The following DMXL1 variants were observed in gnomAD, a reference collection of about 807,000 sequenced individuals.
DMXL1 encodes dmX-like protein 1.
DMXL1 carries 99 observed loss-of-function variants against 319.2 expected under a neutral mutation model. That is an observed-to-expected ratio of 0.31 (90% CI 0.26 to 0.37). DMXL1 has a LOEUF of 0.37. DMXL1 is among the 10% of genes least tolerant of loss of function. DMXL1 has a pLI of 1.00. For missense variants in DMXL1, 3,745 were observed against 3,595.6 expected, an observed-to-expected ratio of 1.04 and a Z score of -1.06; for synonymous variants, 1,385 against 1,235.2, an observed-to-expected ratio of 1.12 and a Z score of -2.54.
At chr5:119,217,916 T>A (rs1392890499) in intron 35 of DMXL1, among the ~76,000 whole-genome samples, 1 of 152,082 alleles carries the variant, frequency 6.6e-6, no homozygotes, top group Non-Finnish European at 1.5e-5. Flanking sequence ...AATTTCCTTC[T>A]TAGACACCGT....
Position 119,105,531 on chromosome 5 carries a change from C to G in DMXL1, c.364+273C>G, listed in dbSNP as rs573381926. ...GAATTAACGTTTCATTGAAAAGGAG[C>G]CTTTGGACCTGAGAGTAAACAGACT... On this transcript the variant is annotated intron_variant, in intron 4 of 43. Transcript: ENST00000539542. Among the ~76,000 whole-genome samples the G allele has an allele frequency of 9.6e-4, 146 of 152,130 alleles. 1 individual carries two copies. Among genetic ancestry groups the G allele is most frequent in the Admixed American group, 3.2e-3 (49 of 15,282 alleles).
chr5:119,163,731 A>G (rs1035561500), intron 19 of DMXL1, among the ~76,000 whole-genome samples: 1 of 152,142 alleles, frequency 6.6e-6, no homozygotes, highest in Admixed American at 6.5e-5. Context: ...TGGGACTACC[A>G]TGCCCGGCTA....
intron 28 of DMXL1, among the ~76,000 whole-genome samples, chr5:119,183,333 G>C (rs1293224895): frequency 1.3e-5 from 2 of 152,074 alleles, no homozygotes; most frequent in Non-Finnish European, 2.9e-5. Flanking sequence ...GAAAAGACTT[G>C]AGCATATTAA....
intron 13 of DMXL1, among the ~76,000 whole-genome samples, chr5:119,140,457 A>G (rs140273927): frequency 6.6e-6 from 1 of 152,332 alleles, no homozygotes; most frequent in African/African-American, 2.4e-5. Context: ...AATAAAAACA[A>G]TAATCAGAAA....
intron 7 of DMXL1, among the ~76,000 whole-genome samples, chr5:119,118,389 T>C (rs1022761165): frequency 2.6e-5 from 4 of 152,198 alleles, no homozygotes; most frequent in African/African-American, 9.7e-5. Flanking sequence ...TGTGGTTATT[T>C]CTTATGTGTC....
At chr5:119,168,771 C>T (rs1773950938) in intron 23 of DMXL1, among the ~76,000 whole-genome samples, 1 of 151,992 alleles carries the variant, frequency 6.6e-6, no homozygotes, top group African/African-American at 2.4e-5. Flanking sequence ...CCTGGCTCAT[C>T]TCAAACACCT....
At chr5:119,234,498 A>G (rs979522029) in intron 39 of DMXL1, among the ~76,000 whole-genome samples, 4 of 152,060 alleles carry the variant, frequency 2.6e-5, no homozygotes, top group Non-Finnish European at 5.9e-5. Context: ...TTTGTCTACC[A>G]TGTTTATCAC....
At position 119,170,629 on chromosome 5, in the gene DMXL1, C is replaced by T; in HGVS notation, c.5838C>T (p.Ser1946=). The T allele has an allele frequency of 6.2e-7, 1 of 1,613,610 alleles. No individual in the cohort carries two copies. Among genetic ancestry groups the T allele is most frequent in the East Asian group, 2.2e-5 (1 of 44,854 alleles). The change falls in exon 24 of 44, where the codon TCC becomes TCT. Residue 1946 remains serine, a synonymous_variant. Transcript: ENST00000539542. ...GTTCCTCAGAGAAGCAATCAAACTCCACTCTTTCTTTTGACTGGAGCCAAC... is the reference window on the plus strand; with the variant it reads ...GTTCCTCAGAGAAGCAATCAAACTCTACTCTTTCTTTTGACTGGAGCCAAC... The part of the protein sequence containing the change: ...SEGSSEKQSN[S]TLSFDWSQPS...
At chr5:119,229,187 A>G (rs1417402839) in intron 38 of DMXL1, among the ~76,000 whole-genome samples, 1 of 151,418 alleles carries the variant, frequency 6.6e-6, no homozygotes, top group Non-Finnish European at 1.5e-5. Flanking sequence ...AAAAAACAAA[A>G]TCTCGATTTT....
intron 1 of DMXL1, among the ~76,000 whole-genome samples, chr5:119,075,020 G>A (rs971214182): frequency 1.3e-5 from 2 of 152,032 alleles, no homozygotes; most frequent in African/African-American, 4.8e-5. Flanking sequence ...CCATGGTTTA[G>A]CACATGTAAA....
At chr5:119,171,705 C>T in intron 24 of DMXL1, 73 bp from the exon 25 acceptor site, 1 of 1,217,546 alleles carries the variant, frequency 8.2e-7, no homozygotes, top group Non-Finnish European at 1.1e-6. Flanking sequence ...TTTTAAAGAG[C>T]CCTTGATTTA....
intron 7 of DMXL1, among the ~76,000 whole-genome samples, chr5:119,117,833 G>A (rs1317502923): frequency 2.0e-5 from 3 of 152,144 alleles, no homozygotes; most frequent in Admixed American, 6.5e-5. Context: ...TTTTTAGTCA[G>A]TTAGGTAAGT....
Position 119,136,075 on chromosome 5 carries a change from A to G in DMXL1, c.2376+1686A>G, listed in dbSNP as rs143399229. Among the ~76,000 whole-genome samples the G allele has an allele frequency of 1.4e-4, 22 of 152,356 alleles. No individual in the cohort carries two copies. In the East Asian group the frequency reaches 3.3e-3, roughly 23 times the overall value. On this transcript the variant is annotated intron_variant, in intron 13 of 43. Coordinates refer to ENST00000539542, the MANE Select transcript of DMXL1 (RefSeq NM_001290321.3). ...CAAAATGCTGATAGTGATACGGACA[A>G]TGAAGTCCCGGCTGAGGTAGTCTCT...
chr5:119,081,932 T>G (rs58506278), intron 1 of DMXL1, among the ~76,000 whole-genome samples: 10,652 of 150,518 alleles, frequency 0.071, 1,116 homozygotes, highest in African/African-American at 0.23. Flanking sequence ...AGGAGCCTGA[T>G]TTTATTGTTG....
chr5:119,143,002 A>T (rs1251028313), intron 13 of DMXL1, among the ~76,000 whole-genome samples: 4 of 152,080 alleles, frequency 2.6e-5, no homozygotes, highest in Non-Finnish European at 4.4e-5. Flanking sequence ...GCATGTTCTC[A>T]CTTACAAGTG....
At chr5:119,241,975 T>G (rs929290355) in intron 42 of DMXL1, among the ~76,000 whole-genome samples, 1 of 152,222 alleles carries the variant, frequency 6.6e-6, no homozygotes, top group African/African-American at 2.4e-5. Context: ...TCATACTGTA[T>G]TTTTGTTTAC....
intron 25 of DMXL1, among the ~76,000 whole-genome samples, chr5:119,173,776 G>GTGTATGTATA: frequency 3.0e-5 from 2 of 67,170 alleles, no homozygotes; most frequent in African/African-American, 1.1e-4. Context: ...ATGTGTGTGT[G>GTGTATGTATA]TATATATATA....
Position 119,135,325 on chromosome 5 carries a change from GGATAGAAACAGT to G in DMXL1, c.2376+938_2376+949del, listed in dbSNP as rs549793860. 4.3e-3 allele frequency among the ~76,000 whole-genome samples: 655 copies of G among 152,142 alleles called. 1 individual carries two copies. Among genetic ancestry groups the G allele is most frequent in the Non-Finnish European group, 7.3e-3 (495 of 67,994 alleles). On this transcript the variant is annotated intron_variant, in intron 13 of 43. Coordinates refer to ENST00000539542, the MANE Select transcript of DMXL1 (RefSeq NM_001290321.3). ...AAAATATATTAATTAAAAATACTAT[GGATAGAAACAGT>G]GTTGCAGAAGAATTAGGAATTGCCA...
intron 29 of DMXL1, 99 bp downstream of exon 29, chr5:119,189,985 C>A: frequency 8.1e-7 from 1 of 1,240,520 alleles, no homozygotes; most frequent in Non-Finnish European, 1.1e-6. Context: ...TGTTTTCCCA[C>A]TTTGGTTTAG....
Sources: allele counts gnomAD v4.1 joint callset (sites outside exome capture counted in the v4.1 genomes callset), GRCh38; gene constraint gnomAD v4.1.1; transcripts MANE v1.5; gene names NCBI Gene and HGNC (gene_info 2026-07-23, HGNC 2026-07-21).